The following MTR variants were observed in gnomAD, a reference collection of about 807,000 sequenced individuals.
MTR encodes methionine synthase.
A neutral mutation model predicts 154.8 loss-of-function variants in MTR; 84 were observed. That is an observed-to-expected ratio of 0.54 (90% CI 0.45 to 0.65). The LOEUF is 0.65. Ranked by LOEUF, MTR falls within the 30% of genes least tolerant of loss-of-function variation. The pLI is 0.00. For missense variants in MTR, 1,275 were observed against 1,570.2 expected (o/e 0.81, Z 3.18); for synonymous variants, 554 against 553.9 (o/e 1.00, Z 0.00).
rs141622249 is a variant in MTR at position 236,831,514 on chromosome 1, T to C, written c.1076-452T>C. On this transcript the variant is annotated intron_variant, in intron 12 of 32. Coordinates refer to ENST00000366577, the MANE Select transcript of MTR (RefSeq NM_000254.3). ...CTGAATCAAAGAAATGAAGTAATGT[T>C]GTAAACACACCATTGGTGGGATTAA... Among the ~76,000 whole-genome samples the C allele has an allele frequency of 2.2e-4, 34 of 152,298 alleles. No individual in the cohort carries two copies. The East Asian group carries it at 4.3e-3, about 19-fold the overall frequency.
rs181113458 is a variant in MTR at position 236,837,854 on chromosome 1, T to G, written c.1330-560T>G. Among the ~76,000 whole-genome samples the G allele has an allele frequency of 2.6e-5, 4 of 152,376 alleles. No homozygotes were observed. The East Asian group carries it at 7.7e-4, about 29-fold the overall frequency. On this transcript the variant is annotated intron_variant, in intron 14 of 32. Coordinates refer to ENST00000366577, the MANE Select transcript of MTR (RefSeq NM_000254.3). Reference sequence around the variant, plus strand: ...ACAGAGGTATGAATTAAAAGGAACCTATTCTCAACTGTGCATTTCAGTTTT... The same window carrying G: ...ACAGAGGTATGAATTAAAAGGAACCGATTCTCAACTGTGCATTTCAGTTTT...
chr1:236,853,680 A>G (rs915982915), intron 18 of MTR, among the ~76,000 whole-genome samples: 14 of 151,924 alleles, frequency 9.2e-5, no homozygotes, highest in African/African-American at 3.1e-4. Flanking sequence ...TTGTGTGGCT[A>G]TGTTAGTGTT....
chr1:236,815,663 T>G lies in MTR; in HGVS notation c.669T>G (p.Phe223Leu). The G allele has an allele frequency of 2.5e-6, 4 of 1,609,514 alleles. No individual in the cohort carries two copies. Among genetic ancestry groups the G allele is most frequent in the Non-Finnish European group, 3.4e-6 (4 of 1,179,208 alleles). ...AGAAATATGCTCCCCGGCCTATCTT[T>G]GTAAGTTCTAAAGTGTTTGCACAAT... ...FEEKYAPRPI[F>L]ISGTIVDKSG... The change falls in exon 7 of 33, where the codon TTT (phenylalanine) becomes TTG (leucine). Residue 223 changes from phenylalanine to leucine, a missense_variant and splice_region_variant. By Grantham distance (22) the Phe-to-Leu change is conservative (BLOSUM62 0). Transcript: ENST00000366577.
chr1:236,795,432 G>A lies in MTR; in HGVS notation c.-272G>A, dbSNP rs1558264119. On this transcript the variant is annotated 5_prime_UTR_variant, in exon 1 of 33. Transcript: ENST00000366577. ...CGCCTCTGGCCGCGCGTGTCTGGCTGCTAGGCCGACACCAAGGACTGGCCG... is the reference window on the plus strand; with the variant it reads ...CGCCTCTGGCCGCGCGTGTCTGGCTACTAGGCCGACACCAAGGACTGGCCG... 6.8e-7 allele frequency: 1 copy of A among 1,479,090 alleles called. No individual in the cohort carries two copies. Among genetic ancestry groups the A allele is most frequent in the Non-Finnish European group, 9.0e-7 (1 of 1,110,016 alleles). 91.6% of individuals were successfully genotyped at this position (1,479,090 alleles called of 1,614,324 possible).
At chr1:236,876,815 T>A (rs1665461300) in intron 24 of MTR, among the ~76,000 whole-genome samples, 1 of 152,150 alleles carries the variant, frequency 6.6e-6, no homozygotes, top group Admixed American at 6.5e-5. Context: ...ATATATCAGA[T>A]TAGAATTAAC....
chr1:236,882,673 G>A (rs756960406), intron 25 of MTR, among the ~76,000 whole-genome samples: 2 of 152,190 alleles, frequency 1.3e-5, no homozygotes, highest in Non-Finnish European at 2.9e-5. Flanking sequence ...GATTACAGGC[G>A]TGAGCCACTG....
At chr1:236,857,729 T>TG (rs1407553923) in intron 18 of MTR, among the ~76,000 whole-genome samples, 1 of 152,128 alleles carries the variant, frequency 6.6e-6, no homozygotes, top group African/African-American at 2.4e-5. Flanking sequence ...ATAGAGGTGA[T>TG]TGTCACCCAG....
At chr1:236,832,134 A>G in intron 13 of MTR, 56 bp downstream of exon 13, 4 of 1,340,914 alleles carry the variant, frequency 3.0e-6, no homozygotes, top group Non-Finnish European at 4.3e-6. Context: ...GCTAGACAGC[A>G]TGTAAATGAA....
chr1:236,852,681 T>C, intron 17 of MTR, 44 bp downstream of exon 17: 2 of 1,547,572 alleles, frequency 1.3e-6, no homozygotes, highest in Non-Finnish European at 1.8e-6. Flanking sequence ...CAGTTTTTAG[T>C]TGGGGCAGGG....
chr1:236,805,830 C>T (rs1033808524), intron 2 of MTR, among the ~76,000 whole-genome samples: 4 of 152,130 alleles, frequency 2.6e-5, no homozygotes, highest in African/African-American at 7.2e-5. Context: ...TATAGCTACC[C>T]TGTGAAGTAG....
intron 26 of MTR, among the ~76,000 whole-genome samples, chr1:236,885,714 G>T (rs1175340120): frequency 6.6e-6 from 1 of 152,206 alleles, no homozygotes; most frequent in Non-Finnish European, 1.5e-5. Context: ...AATCCATGGA[G>T]AACAGGCATA....
In MTR at chr1:236,896,305, A is replaced by G. The variant is rs975029969; in HGVS notation, c.3599-701A>G. ...GGAATTAATAAAAAGCATGCCATCA[A>G]AGCTGATAAAGGCATCCAGATTTAA... On this transcript the variant is annotated intron_variant, in intron 31 of 32. Coordinates refer to ENST00000366577, the MANE Select transcript of MTR (RefSeq NM_000254.3). 7.9e-5 allele frequency among the ~76,000 whole-genome samples: 12 copies of G among 152,318 alleles called. No homozygotes were observed. In the East Asian group the frequency reaches 2.3e-3, roughly 29 times the overall value.
intron 27 of MTR, among the ~76,000 whole-genome samples, chr1:236,887,659 C>T (rs1015638205): frequency 3.3e-5 from 5 of 152,244 alleles, no homozygotes; most frequent in Non-Finnish European, 5.9e-5. Context: ...GCCGCTTTAA[C>T]CTCTGGCATG....
At chr1:236,852,489 G>T (rs201403732) in intron 16 of MTR, 32 bp from the exon 17 acceptor site, 155 of 1,535,966 alleles carry the variant, frequency 1.0e-4, no homozygotes, top group Non-Finnish European at 1.3e-4. Flanking sequence ...GCAAAAAAGG[G>T]GAATCTTTTC....
At chr1:236,814,963 T>C (rs141423147) in intron 6 of MTR, among the ~76,000 whole-genome samples, 85 of 152,296 alleles carry the variant, frequency 5.6e-4, no homozygotes, top group Non-Finnish European at 1.0e-3. Context: ...TGTGAAAACA[T>C]ACATATCTTA....
At position 236,836,038 on chromosome 1, in the gene MTR, ATTCT is replaced by A. The variant is rs578236655; in HGVS notation, c.1329+357_1329+360del. On this transcript the variant is annotated intron_variant, in intron 14 of 32. Transcript: ENST00000366577. Reference sequence around the variant, plus strand: ...TACCATAGGCAAGGGAACTCAGTGAATTCTTTCTTATAACAGGAAGGAGAGAACT... The same window carrying A: ...TACCATAGGCAAGGGAACTCAGTGAATTCTTATAACAGGAAGGAGAGAACT... Among the ~76,000 whole-genome samples the A allele has an allele frequency of 2.7e-4, 41 of 152,306 alleles. No individual in the cohort carries two copies. In the South Asian group the frequency reaches 5.0e-3, roughly 18 times the overall value.
intron 22 of MTR, among the ~76,000 whole-genome samples, chr1:236,863,891 T>G (rs1196002656): frequency 1.3e-5 from 2 of 152,082 alleles, no homozygotes; most frequent in Non-Finnish European, 2.9e-5. Flanking sequence ...GCCAGTGGTG[T>G]TCATCATATC....
At chr1:236,841,959 T>C (rs10925246) in intron 15 of MTR, among the ~76,000 whole-genome samples, 109,323 of 150,988 alleles carry the variant, frequency 0.72, 40,867 homozygotes, top group African/African-American at 0.91. Flanking sequence ...GGCGCGATCT[T>C]GGCTCACTGC....
intron 22 of MTR, 97 bp from the exon 23 acceptor site, chr1:236,873,676 T>G (rs1166646931): frequency 7.1e-6 from 7 of 979,278 alleles, no homozygotes; most frequent in South Asian, 5.3e-5. Context: ...TCGTTTACAT[T>G]AGAGCAGTAT....
Sources: gnomAD v4.1 joint callset for allele counts (sites outside exome capture counted in the v4.1 genomes callset) on GRCh38, gnomAD v4.1.1 for gene constraint, MANE v1.5 for transcripts, NCBI Gene and HGNC (gene_info 2026-07-23, HGNC 2026-07-21) for gene names.